The following DMD variants were observed in gnomAD, a reference collection of about 807,000 sequenced individuals.
DMD encodes the protein mutant dystrophin.
Under a neutral mutation model 330.1 loss-of-function variants are expected in DMD, and 63 were observed. The ratio of observed to expected loss-of-function variants is 0.19; its 90% confidence interval spans 0.16 to 0.24. DMD has a LOEUF of 0.24. DMD is among the 10% of genes least tolerant of loss of function. The pLI is 1.00. For missense variants in DMD, 3,344 were observed against 2,684.1 expected, an observed-to-expected ratio of 1.25 and a Z score of -5.43; for synonymous variants, 1,223 against 959.8, an observed-to-expected ratio of 1.27 and a Z score of -5.07.
rs894368954 is a variant in DMD, at chrX:32,438,316, A to C, written c.3996T>G (p.Asp1332Glu). Reference protein sequence around the residue: ...QIRILAQTLTDGGVMDELINE... With the variant: ...QIRILAQTLTEGGVMDELINE... ...TGATTAGCTCATCCATGACTCCGCC[A>C]TCTGTTAGGGTCTGTGCCAATATGC... Residue 1332 changes from aspartate (D) to glutamate (E), a missense_variant, in exon 29 of 79, where the codon GAT becomes GAG. Asp to Glu is a conservative substitution (Grantham distance 45). Coordinates refer to ENST00000357033, the MANE Select transcript of DMD (RefSeq NM_004006.3). 6.6e-6 allele frequency: 8 copies of C among 1,211,339 alleles called. No individual in the cohort carries two copies. The highest frequency in any genetic ancestry group is 8.9e-6 in the Non-Finnish European group (8 of 895,202).
intron 1 of DMD, among the ~76,000 whole-genome samples, chrX:33,300,024 T>C (rs1479442335): frequency 8.9e-6 from 1 of 112,123 alleles, no homozygotes; most frequent in Non-Finnish European, 1.9e-5. Flanking sequence ...AAAGAATCAC[T>C]TGGTTGTGGT....
At chrX:32,437,189 G>A (rs1437249120) in intron 29 of DMD, among the ~76,000 whole-genome samples, 2 of 112,054 alleles carry the variant, frequency 1.8e-5, no homozygotes, top group African/African-American at 6.5e-5. Flanking sequence ...AAGGACCAGA[G>A]ATTGTTTGGA....
At chrX:32,810,089 C>T (rs1025204460) in intron 6 of DMD, among the ~76,000 whole-genome samples, 15 of 110,621 alleles carry the variant, frequency 1.4e-4, no homozygotes, top group African/African-American at 4.9e-4. Context: ...TGCCACTGTA[C>T]TCTAGCCTGG....
At chrX:32,396,232 T>A (rs1165372562) in intron 30 of DMD, among the ~76,000 whole-genome samples, 1 of 111,556 alleles carries the variant, frequency 9.0e-6, no homozygotes, top group East Asian at 2.8e-4. Context: ...CCATGGAATT[T>A]GAAATATACA....
At chrX:31,391,982 C>T (rs1387268535) in intron 60 of DMD, among the ~76,000 whole-genome samples, 1 of 108,065 alleles carries the variant, frequency 9.3e-6, no homozygotes, top group African/African-American at 3.3e-5. Flanking sequence ...TCATCAACAA[C>T]CATTCCACTC....
intron 53 of DMD, among the ~76,000 whole-genome samples, chrX:31,662,287 T>C (rs1206675606): frequency 9.0e-6 from 1 of 111,698 alleles, no homozygotes; most frequent in African/African-American, 3.3e-5. Context: ...ATATTAATCA[T>C]CATCAGCATC....
chrX:32,816,751 A>T, intron 5 of DMD, 111 bp from the exon 6 acceptor site: 1 of 716,712 alleles, frequency 1.4e-6, no homozygotes, highest in Non-Finnish European at 2.1e-6. Flanking sequence ...TTTTAGGGCC[A>T]ATTAGTAATG....
At chrX:32,053,241 C>T (rs1477440189) in intron 44 of DMD, among the ~76,000 whole-genome samples, 1 of 111,620 alleles carries the variant, frequency 9.0e-6, no homozygotes, top group East Asian at 2.9e-4. Flanking sequence ...GCATCCCTAA[C>T]AGATGACAAG....
chrX:32,252,677 A>AATATATATAAATAT (rs766322442), intron 43 of DMD, among the ~76,000 whole-genome samples: 12 of 33,562 alleles, frequency 3.6e-4, no homozygotes, highest in South Asian at 1.1e-3. Flanking sequence ...TATATATATA[A>AATATATATAAATAT]ATATATAAAT....
chrX:33,335,759 T>C (rs764617378), intron 1 of DMD, among the ~76,000 whole-genome samples: 1 of 111,205 alleles, frequency 9.0e-6, no homozygotes, highest in African/African-American at 3.3e-5. Context: ...ACCAATTTTA[T>C]AGAACTATGC....
chrX:33,169,364 A>G (rs1375103869), intron 1 of DMD, among the ~76,000 whole-genome samples: 1 of 111,710 alleles, frequency 9.0e-6, no homozygotes, highest in Non-Finnish European at 1.9e-5. Context: ...TAAAGATTCC[A>G]TTAAATATAT....
chrX:33,128,233 C>T, intron 1 of DMD: 2 of 1,175,624 alleles, frequency 1.7e-6, no homozygotes, highest in Non-Finnish European at 2.3e-6. Flanking sequence ...CCTGTTGGTA[C>T]TTTTCTCTTA....
intron 64 of DMD, among the ~76,000 whole-genome samples, chrX:31,214,745 A>G (rs925675045): frequency 9.5e-6 from 1 of 104,778 alleles, no homozygotes; most frequent in Admixed American, 1.0e-4. Context: ...TATTGAATGC[A>G]TATCACTTTG....
In DMD at chrX:32,342,208, C is replaced by T. The variant is rs2148813225; in HGVS notation, c.5814G>A (p.Glu1938=). ...AVRRQAEGLS[E]DGAAMAVEPT... ...GCTCCACTGCCATTGCGGCCCCATC[C>T]TCAGACAAGCCCTCAGCTTGCCTAC... is the stretch of plus-strand genomic sequence containing the variant. Residue 1938 remains glutamate, a synonymous_variant, in exon 41 of 79, where the codon GAG becomes GAA. Transcript: ENST00000357033. 1 of 1,211,496 alleles carries T rather than the reference C, an allele frequency of 8.3e-7. No individual in the cohort carries two copies. The highest frequency in any genetic ancestry group is 1.1e-6 in the Non-Finnish European group (1 of 895,350).
chrX:31,998,895 C>T (rs2095607129), intron 44 of DMD, among the ~76,000 whole-genome samples: 1 of 111,853 alleles, frequency 8.9e-6, no homozygotes, highest in Non-Finnish European at 1.9e-5. Flanking sequence ...CATAGTCACA[C>T]CATGCTGACA....
chrX:31,861,973 A>ACACACG (rs1224295794), intron 48 of DMD, among the ~76,000 whole-genome samples: 1 of 108,854 alleles, frequency 9.2e-6, no homozygotes, highest in African/African-American at 3.3e-5. Flanking sequence ...ACACACACAC[A>ACACACG]CACCTACATC....
At chrX:32,180,839 G>A (rs1486506421) in intron 44 of DMD, among the ~76,000 whole-genome samples, 1 of 110,694 alleles carries the variant, frequency 9.0e-6, no homozygotes, top group East Asian at 2.9e-4. Context: ...ACTATCAGGA[G>A]AACAGCATGG....
intron 7 of DMD, among the ~76,000 whole-genome samples, chrX:32,778,240 T>A (rs1409712183): frequency 1.2e-5 from 1 of 82,686 alleles, no homozygotes; most frequent in Non-Finnish European, 2.4e-5. Context: ...TGTCAGATCC[T>A]CGCAAAAAAA....
At chrX:32,942,099 C>T (rs1660759796) in intron 2 of DMD, among the ~76,000 whole-genome samples, 1 of 79,660 alleles carries the variant, frequency 1.3e-5, no homozygotes, top group Admixed American at 1.1e-4. Context: ...ATTCTCTTAC[C>T]TTTTGAGAAG....
Sources: gnomAD v4.1 joint callset for allele counts (sites outside exome capture counted in the v4.1 genomes callset) on GRCh38, gnomAD v4.1.1 for gene constraint, MANE v1.5 for transcripts, NCBI Gene and HGNC (gene_info 2026-07-23, HGNC 2026-07-21) for gene names.